Variants in PCDHA5 observed in about 807,000 individuals in gnomAD.
PCDHA5 encodes the protein protocadherin alpha-5.
Under a neutral mutation model 61.6 loss-of-function variants are expected in PCDHA5, and 43 were observed. That is an observed-to-expected ratio of 0.70 (90% CI 0.55 to 0.90). PCDHA5 has a LOEUF of 0.90. Ranked by LOEUF, PCDHA5 falls within the 40% of genes least tolerant of loss-of-function variation. The pLI is 0.00. For synonymous variants in PCDHA5, 627 were observed against 543.9 expected, an observed-to-expected ratio of 1.15 and a Z score of -2.13; for missense variants, 1,298 against 1,222.7, an observed-to-expected ratio of 1.06 and a Z score of -0.92.
intron 1 of PCDHA5, among the ~76,000 whole-genome samples, chr5:140,889,020 TG>T (rs1554183734): frequency 1.3e-5 from 2 of 152,126 alleles, no homozygotes; most frequent in Non-Finnish European, 2.9e-5. Context: ...TCTACTTCCT[TG>T]GATAACCGTA....
chr5:141,010,499 T>C lies in PCDHA5; in HGVS notation c.*562T>C. ...GTGTAAACTTAAAGGGACCAGACTTTCTAAATCTTACAACTCAAGAGGTGG... is the reference window on the plus strand; with the variant it reads ...GTGTAAACTTAAAGGGACCAGACTTCCTAAATCTTACAACTCAAGAGGTGG... On this transcript the variant is annotated 3_prime_UTR_variant, in exon 4 of 4. Coordinates refer to ENST00000529859, the MANE Select transcript of PCDHA5 (RefSeq NM_018908.3). 1.7e-6 allele frequency: 1 copy of C among 586,170 alleles called. No individual in the cohort carries two copies. Among genetic ancestry groups the C allele is most frequent in the Non-Finnish European group, 2.7e-6 (1 of 372,458 alleles). 36.3% of individuals were successfully genotyped at this position (586,170 alleles called of 1,614,324 possible).
At chr5:140,843,202 C>A in intron 1 of PCDHA5, 1 of 1,596,044 alleles carries the variant, frequency 6.3e-7, no homozygotes, top group Non-Finnish European at 8.6e-7. Flanking sequence ...TGGGGCTGTA[C>A]ACGGGCGAGA....
At chr5:140,969,228 G>A in intron 1 of PCDHA5, 1 of 1,614,176 alleles carries the variant, frequency 6.2e-7, no homozygotes, top group Non-Finnish European at 8.5e-7. Flanking sequence ...GGGCCTTCGG[G>A]AGCCCAAGCA....
chr5:140,876,231 A>C (rs1428769390), intron 1 of PCDHA5: 4 of 1,614,004 alleles, frequency 2.5e-6, no homozygotes, highest in Non-Finnish European at 3.4e-6. Flanking sequence ...TGTTGTCTGA[A>C]AATGTCCAAA....
chr5:140,926,823 G>A (rs1454618329), intron 1 of PCDHA5: 2 of 1,496,880 alleles, frequency 1.3e-6, no homozygotes, highest in Non-Finnish European at 1.8e-6. Flanking sequence ...TGCTCTCCAG[G>A]AGTCCGGAGC....
At chr5:140,838,076 T>G (rs13170073) in intron 1 of PCDHA5, among the ~76,000 whole-genome samples, 582 of 31,102 alleles carry the variant, frequency 0.019, 3 homozygotes, top group Middle Eastern at 0.08. Flanking sequence ...TATATATATA[T>G]AGTGTGTGTG....
intron 1 of PCDHA5, chr5:140,926,750 G>T: frequency 8.0e-7 from 1 of 1,256,516 alleles, no homozygotes; most frequent in East Asian, 2.9e-5. Context: ...AACGTCGGCG[G>T]TCGCTGAGTA....
chr5:140,842,210 C>G (rs782194934), intron 1 of PCDHA5: 1 of 1,613,418 alleles, frequency 6.2e-7, no homozygotes. Flanking sequence ...TAGCATAGAT[C>G]GAAATACGGG....
In PCDHA5 at chr5:140,850,341, G is replaced by T. The variant is rs146727140; in HGVS notation, c.2352+26214G>T. 29 of 1,597,748 alleles carry T rather than the reference G, an allele frequency of 1.8e-5. 2 individuals are homozygous for T. The highest frequency in any genetic ancestry group is 2.4e-5 in the Non-Finnish European group (28 of 1,167,702). Reference sequence around the variant, plus strand: ...TTCATACGAGCTGCAGCCAGAAACGGCCAGCGCGAGCATCCCGTTCCGCGT... The same window carrying T: ...TTCATACGAGCTGCAGCCAGAAACGTCCAGCGCGAGCATCCCGTTCCGCGT... On this transcript the variant is annotated intron_variant, in intron 1 of 3. Transcript: ENST00000529859.
In PCDHA5 at chr5:140,883,118, C is replaced by G. The variant is rs370331206; in HGVS notation, c.2352+58991C>G. ...AGATATAGTTTACTCATTTAGAAGG[C>G]CTGTATGGCCTGCAGTGGTATATGC... On this transcript the variant is annotated intron_variant, in intron 1 of 3. Coordinates refer to ENST00000529859, the MANE Select transcript of PCDHA5 (RefSeq NM_018908.3). The G allele has an allele frequency of 8.7e-6, 14 of 1,613,882 alleles. No individual in the cohort carries two copies. Among genetic ancestry groups the G allele is most frequent in the Non-Finnish European group, 1.2e-5 (14 of 1,180,016 alleles).
intron 1 of PCDHA5, among the ~76,000 whole-genome samples, chr5:140,901,384 T>C (rs2068629478): frequency 6.6e-6 from 1 of 152,226 alleles, no homozygotes. Flanking sequence ...TAATTCAATA[T>C]TTGTATATGG....
chr5:140,941,214 C>CTTCCTTTCTTTCTTTCTTT (rs1554214039), intron 1 of PCDHA5, among the ~76,000 whole-genome samples: 1 of 122,414 alleles, frequency 8.2e-6, no homozygotes, highest in Non-Finnish European at 1.7e-5. Context: ...TTTCTTTCTT[C>CTTCCTTTCTTTCTTTCTTT]CTTTCTTTCT....
chr5:140,907,252 A>C (rs1459023391), intron 1 of PCDHA5, among the ~76,000 whole-genome samples: 3 of 152,152 alleles, frequency 2.0e-5, no homozygotes, highest in African/African-American at 7.2e-5. Flanking sequence ...TGTAATTGTG[A>C]CTTCAAAAGG....
At chr5:140,894,184 A>T (rs1411546476) in intron 1 of PCDHA5, among the ~76,000 whole-genome samples, 13 of 152,046 alleles carry the variant, frequency 8.6e-5, no homozygotes, top group African/African-American at 3.1e-4. Context: ...TTCCATAGTT[A>T]TATATTTTTT....
chr5:140,893,150 A>G (rs1398784015), intron 1 of PCDHA5, among the ~76,000 whole-genome samples: 1 of 152,066 alleles, frequency 6.6e-6, no homozygotes, highest in Non-Finnish European at 1.5e-5. Context: ...TCATCTGTTG[A>G]TGGATATTGA....
At chr5:140,829,788 T>C in intron 1 of PCDHA5, 2 of 1,613,804 alleles carry the variant, frequency 1.2e-6, no homozygotes, top group Non-Finnish European at 8.5e-7. Flanking sequence ...CCGGCGCTGC[T>C]GGCGCCTCGG....
At chr5:140,951,395 G>A (rs1036290024) in intron 1 of PCDHA5, among the ~76,000 whole-genome samples, 1 of 152,030 alleles carries the variant, frequency 6.6e-6, no homozygotes, top group African/African-American at 2.4e-5. Flanking sequence ...AATTTATAAA[G>A]AAAAGAGGTT....
At chr5:140,845,368 C>A (rs1281318130) in intron 1 of PCDHA5, among the ~76,000 whole-genome samples, 1 of 149,482 alleles carries the variant, frequency 6.7e-6, no homozygotes, top group African/African-American at 2.4e-5. Context: ...TACAAAATAT[C>A]ATAAATAGGA....
chr5:140,824,618 T>TTTTTTTTTG (rs1562279613), intron 1 of PCDHA5: 3 of 128,814 alleles, frequency 2.3e-5, no homozygotes, highest in African/African-American at 7.0e-5. Context: ...AAGTTTTTTT[T>TTTTTTTTTG]TTTTTTTTTT....
Sources: allele counts gnomAD v4.1 joint callset (sites outside exome capture counted in the v4.1 genomes callset), GRCh38; gene constraint gnomAD v4.1.1; transcripts MANE v1.5; gene names NCBI Gene and HGNC (gene_info 2026-07-23, HGNC 2026-07-21).